PGCKA1: variants seen among roughly 807,000 people sequenced by gnomAD.
PGCKA1 encodes the protein PDCD10 and GCKIII kinases-associated protein 1.
the PGCKA1 span, among the ~76,000 whole-genome samples, chr4:37,586,637 T>C: frequency 0.76 from 115,235 of 152,162 alleles, 43,751 homozygotes; most frequent in African/African-American, 0.82. Flanking sequence ...CAGCCGGGCA[T>C]GGTGGCTCAC....
the PGCKA1 span, among the ~76,000 whole-genome samples, chr4:37,480,047 G>A: frequency 6.6e-6 from 1 of 152,168 alleles, no homozygotes; most frequent in Non-Finnish European, 1.5e-5. Flanking sequence ...GAATCAGATA[G>A]AATTGAATGA....
At chr4:37,570,908 A>G in the PGCKA1 span, among the ~76,000 whole-genome samples, 2 of 152,162 alleles carry the variant, frequency 1.3e-5, no homozygotes, top group Non-Finnish European at 2.9e-5. Flanking sequence ...CATTTCTCCG[A>G]GCTCCTGCCT....
chr4:37,534,624 T>C, the PGCKA1 span, among the ~76,000 whole-genome samples: 1 of 152,204 alleles, frequency 6.6e-6, no homozygotes, highest in Non-Finnish European at 1.5e-5. Flanking sequence ...TGCTGGGATG[T>C]CCAAGATCAA....
At chr4:37,509,735 C>T in the PGCKA1 span, among the ~76,000 whole-genome samples, 1 of 151,474 alleles carries the variant, frequency 6.6e-6, no homozygotes, top group Non-Finnish European at 1.5e-5. Flanking sequence ...CCGAGGCTGG[C>T]AGATCACTCG....
the PGCKA1 span, among the ~76,000 whole-genome samples, chr4:37,533,552 A>G: frequency 6.6e-6 from 1 of 152,244 alleles, no homozygotes; most frequent in African/African-American, 2.4e-5. Context: ...ATAAATAAGC[A>G]AACATTCTTT....
At chr4:37,470,466 T>C in the PGCKA1 span, among the ~76,000 whole-genome samples, 3 of 152,218 alleles carry the variant, frequency 2.0e-5, no homozygotes, top group African/African-American at 7.2e-5. Context: ...TACTGTATGG[T>C]ACTAATCTTC....
the PGCKA1 span, among the ~76,000 whole-genome samples, chr4:37,526,825 T>C: frequency 3.3e-5 from 5 of 152,222 alleles, no homozygotes; most frequent in East Asian, 7.7e-4. Flanking sequence ...TACTATGCTA[T>C]ACTTTTTATT....
At chr4:37,479,260 A>T in the PGCKA1 span, among the ~76,000 whole-genome samples, 5 of 152,192 alleles carry the variant, frequency 3.3e-5, no homozygotes, top group Non-Finnish European at 7.3e-5. Context: ...TATCTCTTCT[A>T]TATTCAGCTT....
At chr4:37,572,085 C>T in the PGCKA1 span, among the ~76,000 whole-genome samples, 5 of 65,310 alleles carry the variant, frequency 7.7e-5, no homozygotes, top group South Asian at 4.8e-4. Context: ...TTTTTTGAGA[C>T]GGAGTCTCGC....
chr4:37,476,035 A>G, the PGCKA1 span, among the ~76,000 whole-genome samples: 325 of 151,326 alleles, frequency 2.1e-3, 1 homozygote, highest in Non-Finnish European at 3.6e-3. Context: ...TTATTTTAAA[A>G]TGCATTATTT....
chr4:37,524,072 A>G, the PGCKA1 span, among the ~76,000 whole-genome samples: 1 of 152,224 alleles, frequency 6.6e-6, no homozygotes, highest in Admixed American at 6.5e-5. Context: ...AAGAAGAGAA[A>G]GTGTCCAAGA....
the PGCKA1 span, chr4:37,591,792 A>G: frequency 6.6e-6 from 1 of 152,250 alleles, no homozygotes; most frequent in Non-Finnish European, 1.5e-5. Context: ...TTTTTATGCC[A>G]TTAAATGTCT....
At chr4:37,529,508 A>G in the PGCKA1 span, among the ~76,000 whole-genome samples, 1 of 152,228 alleles carries the variant, frequency 6.6e-6, no homozygotes, top group Non-Finnish European at 1.5e-5. Flanking sequence ...CTTATCAATT[A>G]ACCCTTGGTG....
chr4:37,570,332 C>T, the PGCKA1 span, among the ~76,000 whole-genome samples: 1 of 147,982 alleles, frequency 6.8e-6, no homozygotes, highest in African/African-American at 2.5e-5. Flanking sequence ...TCTAAAATAA[C>T]AGAAGCTTAG....
chr4:37,524,800 C>T, the PGCKA1 span, among the ~76,000 whole-genome samples: 1 of 152,184 alleles, frequency 6.6e-6, no homozygotes, highest in African/African-American at 2.4e-5. Flanking sequence ...TCCCAAGTGC[C>T]TCTAAAGCAA....
At chr4:37,584,700 G>A in the PGCKA1 span, among the ~76,000 whole-genome samples, 38 of 152,152 alleles carry the variant, frequency 2.5e-4, no homozygotes, top group African/African-American at 8.7e-4. Flanking sequence ...AGCAGAAGGC[G>A]GGGATGGAGG....
the PGCKA1 span, among the ~76,000 whole-genome samples, chr4:37,530,188 A>T: frequency 6.6e-6 from 1 of 152,248 alleles, no homozygotes; most frequent in African/African-American, 2.4e-5. Context: ...TGTGATTCCT[A>T]ACATTTACTG....
the PGCKA1 span, among the ~76,000 whole-genome samples, chr4:37,466,402 G>A: frequency 5.3e-5 from 8 of 152,046 alleles, no homozygotes; most frequent in Admixed American, 3.3e-4. Context: ...AACTGTCTAC[G>A]CTGACATACC....
the PGCKA1 span, among the ~76,000 whole-genome samples, chr4:37,462,689 T>C: frequency 6.6e-6 from 1 of 152,198 alleles, no homozygotes. Flanking sequence ...TTTCTTTGAA[T>C]GATGAAAAGA....
Sources: gnomAD v4.1 joint callset for allele counts (sites outside exome capture counted in the v4.1 genomes callset) on GRCh38, gnomAD v4.1.1 for gene constraint, MANE v1.5 for transcripts, NCBI Gene and HGNC (gene_info 2026-07-23, HGNC 2026-07-21) for gene names.